The following CAPN14 variants were observed in gnomAD, a reference collection of about 807,000 sequenced individuals.
The protein encoded by CAPN14 is calpain-14.
In CAPN14, 94 loss-of-function variants were observed where a neutral mutation model predicts 101.3. That is an observed-to-expected ratio of 0.93 (90% CI 0.79 to 1.10). The LOEUF is 1.10. Among genes scored for constraint, CAPN14 ranks in the 50% least tolerant of loss-of-function variants. CAPN14 has a pLI of 0.00. For missense variants in CAPN14, 837 were observed against 828.4 expected (o/e 1.01, Z -0.13); for synonymous variants, 338 against 317.9 (o/e 1.06, Z -0.67).
At position 31,204,495 on chromosome 2, in the gene CAPN14, T is replaced by C. The variant is rs566439092; in HGVS notation, c.225+728A>G. Among the ~76,000 whole-genome samples, 4 of 152,248 alleles carry C rather than the reference T, an allele frequency of 2.6e-5. No individual in the cohort carries two copies. The South Asian group carries it at 6.2e-4, about 24-fold the overall frequency. On this transcript the variant is annotated intron_variant, in intron 2 of 21. Coordinates refer to ENST00000403897, the MANE Select transcript of CAPN14 (RefSeq NM_001145122.2). ...AGGCAGGATTAGAAGGTTGGGAGTT[T>C]CAGCCCCACCCCCTGATCACTGGGG...
At position 31,182,834 on chromosome 2, in the gene CAPN14, A is replaced by G. The variant is rs575195680; in HGVS notation, c.1646-1834T>C. Among the ~76,000 whole-genome samples the G allele has an allele frequency of 6.8e-3, 1,036 of 151,966 alleles. 9 individuals are homozygous for G. Among genetic ancestry groups the G allele is most frequent in the East Asian group, 0.014 (70 of 5,178 alleles). On this transcript the variant is annotated intron_variant, in intron 16 of 21. Transcript: ENST00000403897. ...TTTCTTCACAGAATTGGAAAAAACT[A>G]CTTTAAAGTTCACATGGAACCAAAA...
At chr2:31,213,816 T>C (rs999688562) in intron 1 of CAPN14, among the ~76,000 whole-genome samples, 1 of 152,206 alleles carries the variant, frequency 6.6e-6, no homozygotes, top group African/African-American at 2.4e-5. Context: ...AGTTTTCAGG[T>C]GGTTCTGTGG....
chr2:31,216,793 C>T (rs1476323851), intron 1 of CAPN14, among the ~76,000 whole-genome samples: 1 of 152,110 alleles, frequency 6.6e-6, no homozygotes, highest in Non-Finnish European at 1.5e-5. Context: ...GCCCATAGGC[C>T]AGCAGACCAC....
chr2:31,231,127 T>C (rs2148711681), intron 1 of CAPN14, among the ~76,000 whole-genome samples: 1 of 151,682 alleles, frequency 6.6e-6, no homozygotes, highest in Admixed American at 6.5e-5. Context: ...CTGCCCTCCT[T>C]CCCCTTCCAC....
upstream of CAPN14, among the ~76,000 whole-genome samples, chr2:31,220,070 T>C (rs1682816799): frequency 6.6e-6 from 1 of 152,226 alleles, no homozygotes; most frequent in Non-Finnish European, 1.5e-5. Context: ...ATTCCTGATG[T>C]CTCACTACTG....
Position 31,193,264 on chromosome 2 carries a change from G to A in CAPN14, c.981C>T (p.Phe327=), listed in dbSNP as rs990512642. The change falls in exon 10 of 22, where the codon TTC becomes TTT. Residue 327 remains phenylalanine (F), a synonymous_variant. Transcript: ENST00000403897. ...WMTLQDFKTH[F]VLLVICKLTP... ...TCAGTTTACAGATAACCAGGAGCAC[G>A]AAATGTGTTTTAAAGTCCTGCAGCG... is the stretch of plus-strand genomic sequence containing the variant. 1.4e-5 allele frequency: 21 copies of A among 1,551,650 alleles called. No homozygotes were observed. The highest frequency in any genetic ancestry group is 9.6e-5 in the African/African-American group (7 of 73,056).
At chr2:31,211,210 A>G (rs1682382271) in intron 1 of CAPN14, among the ~76,000 whole-genome samples, 1 of 145,746 alleles carries the variant, frequency 6.9e-6, no homozygotes, top group African/African-American at 2.5e-5. Flanking sequence ...GAAAGAAAGA[A>G]AGAAAAAGAA....
chr2:31,210,439 C>A (rs1013204063), intron 1 of CAPN14, among the ~76,000 whole-genome samples: 4 of 135,358 alleles, frequency 3.0e-5, no homozygotes, highest in African/African-American at 9.3e-5. Flanking sequence ...CAGAGCGTGT[C>A]TCCATCTCAA....
chr2:31,229,662 G>C (rs1301719720), intron 1 of CAPN14, among the ~76,000 whole-genome samples: 1 of 120,900 alleles, frequency 8.3e-6, no homozygotes, highest in East Asian at 2.4e-4. Flanking sequence ...CTGGGTGACA[G>C]AGCAAGACCC....
At chr2:31,202,984 T>G (rs868215139) in intron 3 of CAPN14, 86 bp downstream of exon 3, 18 of 1,179,902 alleles carry the variant, frequency 1.5e-5, no homozygotes, top group Non-Finnish European at 2.2e-5. Flanking sequence ...GATCTCTGGC[T>G]TCTCTTCTTT....
chr2:31,228,399 G>A (rs937671553), intron 1 of CAPN14: 7 of 152,170 alleles, frequency 4.6e-5, no homozygotes, highest in Admixed American at 2.6e-4. Context: ...ATCTGAGTGG[G>A]AGAAACAGAA....
At chr2:31,222,562 T>A (rs1388432694) in intron 2 of CAPN14, among the ~76,000 whole-genome samples, 1 of 152,198 alleles carries the variant, frequency 6.6e-6, no homozygotes, top group Non-Finnish European at 1.5e-5. Context: ...AAAATTCAAT[T>A]GTTTGTTTTG....
In CAPN14 at chr2:31,230,469, C is replaced by T. The variant is rs186699501; in HGVS notation, c.-177+3322G>A. 9.8e-5 allele frequency among the ~76,000 whole-genome samples: 15 copies of T among 152,304 alleles called. No individual in the cohort carries two copies. The highest frequency in any genetic ancestry group is 1.5e-4 in the Non-Finnish European group (10 of 68,030). On this transcript the variant is annotated intron_variant and NMD_transcript_variant, in intron 1 of 21. Transcript: ENST00000398824. The surrounding 1 kb of genome is among the most constrained non-coding windows in gnomAD (Gnocchi z 4.3). ...CCCAAAGTATTTGTGCCAGCCTGCA[C>T]GCCCATCAGCATTTTATGAGAGCTC...
At chr2:31,175,331 T>G (rs1680237664) in intron 21 of CAPN14, among the ~76,000 whole-genome samples, 1 of 152,202 alleles carries the variant, frequency 6.6e-6, no homozygotes, top group African/African-American at 2.4e-5. Context: ...TTCCACTCAT[T>G]TCACCTGTGG....
At chr2:31,222,299 T>C (rs1478147946), upstream of CAPN14, among the ~76,000 whole-genome samples, 1 of 152,170 alleles carries the variant, frequency 6.6e-6, no homozygotes, top group Non-Finnish European at 1.5e-5. Flanking sequence ...TCTGAAAACA[T>C]TAGTCGCTTA....
In CAPN14 at chr2:31,187,739, C is replaced by A; in HGVS notation, c.1587+19G>T. 6.5e-7 allele frequency: 1 copy of A among 1,549,650 alleles called. No homozygotes were observed. The highest frequency in any genetic ancestry group is 1.4e-5 in the African/African-American group (1 of 73,056). ...GTCCCCTGCTCTTCCTCACCCCCCA[C>A]CACACCTGTTCAACTAACCTTTTCA... On this transcript the variant is annotated intron_variant, in intron 15 of 21. Transcript: ENST00000403897.
intron 8 of CAPN14, among the ~76,000 whole-genome samples, chr2:31,196,200 A>G (rs1681464637): frequency 6.6e-6 from 1 of 152,236 alleles, no homozygotes; most frequent in Admixed American, 6.5e-5. Flanking sequence ...TCATTTTAAT[A>G]TTCACTATAC....
At chr2:31,194,379 G>A (rs1250711377) in intron 9 of CAPN14, 30 bp downstream of exon 9, 1 of 1,514,540 alleles carries the variant, frequency 6.6e-7, no homozygotes, top group East Asian at 2.5e-5. Flanking sequence ...TGTAGGCCAG[G>A]ACATTTGTCC....
At chr2:31,205,615 G>C in intron 1 of CAPN14, 116 bp from the exon 2 acceptor site, 1 of 650,130 alleles carries the variant, frequency 1.5e-6, no homozygotes, top group East Asian at 2.7e-5. Context: ...TGGTGAGAAA[G>C]AGACAGAAGC....
Sources: gnomAD v4.1 joint callset for allele counts (sites outside exome capture counted in the v4.1 genomes callset) on GRCh38, gnomAD v4.1.1 for gene constraint, Gnocchi (gnomAD v3.1) non-coding constraint, MANE v1.5 for transcripts, NCBI Gene and HGNC (gene_info 2026-07-23, HGNC 2026-07-21) for gene names.